The following CDC16 variants were observed in gnomAD, a reference collection of about 807,000 sequenced individuals.
CDC16 encodes cell division cycle 16.
In CDC16, 34 loss-of-function variants were observed where a neutral mutation model predicts 87.0. The observed-to-expected ratio is 0.39, with a 90% CI of 0.30 to 0.52. The LOEUF (loss-of-function observed/expected upper bound fraction) is 0.52, where lower values mean the gene tolerates loss of function less well. CDC16 is among the 20% of genes least tolerant of loss of function. The pLI, the probability that CDC16 is intolerant of heterozygous loss-of-function variation, is 0.74. For missense variants in CDC16, 653 were observed against 751.9 expected (o/e 0.87, Z 1.54); for synonymous variants, 263 against 260.6 (o/e 1.01, Z -0.09).
rs367687850 is a variant in CDC16, at chr13:114,250,691, T to A, written c.1097+17T>A. ...GATGAAAGGGTACGGCAGAGCAAACTCATCAAACTCCATGAAGGGATGTTT... is the reference window on the plus strand; with the variant it reads ...GATGAAAGGGTACGGCAGAGCAAACACATCAAACTCCATGAAGGGATGTTT... On this transcript the variant is annotated intron_variant, in intron 12 of 17. Coordinates refer to ENST00000356221, the MANE Select transcript of CDC16 (RefSeq NM_001078645.3). The A allele has an allele frequency of 5.0e-6, 8 of 1,612,236 alleles. No individual in the cohort carries two copies. The African/African-American group carries it at 1.1e-4, about 22-fold the overall frequency.
At chr13:114,236,206 T>C (rs536673798) in intron 1 of CDC16, among the ~76,000 whole-genome samples, 3 of 152,256 alleles carry the variant, frequency 2.0e-5, no homozygotes, top group Non-Finnish European at 4.4e-5. Flanking sequence ...TTGAGTGTTA[T>C]TAAAACTGCC....
At chr13:114,263,095 T>C in intron 16 of CDC16, 81 bp downstream of exon 16, 2 of 1,241,182 alleles carry the variant, frequency 1.6e-6, no homozygotes. Flanking sequence ...TTCTAGGTAA[T>C]ATTGACTTAC....
At chr13:114,239,250 T>C (rs1207410020) in intron 4 of CDC16, 100 bp from the exon 5 acceptor site, 6 of 1,494,848 alleles carry the variant, frequency 4.0e-6, no homozygotes, top group Non-Finnish European at 4.5e-6. Context: ...ATTTCACATT[T>C]AAATAATGGG....
chr13:114,235,160 GC>G (rs2081181006), intron 1 of CDC16, 28 bp downstream of exon 1: 1 of 1,236,002 alleles, frequency 8.1e-7, no homozygotes, highest in East Asian at 3.2e-5. Flanking sequence ...GGGGTGCGGG[GC>G]CCAGGCCTCG....
Position 114,257,147 on chromosome 13 carries a change from G to A in CDC16, c.1167G>A (p.Arg389=), listed in dbSNP as rs762830257. The change falls in exon 13 of 18, where the codon AGG becomes AGA. Residue 389 remains arginine (R), a synonymous_variant. Coordinates refer to ENST00000356221, the MANE Select transcript of CDC16 (RefSeq NM_001078645.3). ...CCAATAACTCAAAACTAGCTGAAAG[G>A]TTCTTCAGCCAAGCTCTGAGCATTG... ...GLTNNSKLAE[R]FFSQALSIAP... is the part of the protein sequence containing the mutation. 3 of 1,611,788 alleles carry A rather than the reference G, an allele frequency of 1.9e-6. No homozygotes were observed. Among genetic ancestry groups the A allele is most frequent in the South Asian group, 2.2e-5 (2 of 90,998 alleles).
At chr13:114,264,991 A>G in intron 16 of CDC16, 159 bp from the exon 17 acceptor site, 1 of 612,256 alleles carries the variant, frequency 1.6e-6, no homozygotes, top group Non-Finnish European at 3.0e-6. Flanking sequence ...TCCATGACCC[A>G]TAACCAACTT....
In CDC16 at chr13:114,239,405, T is replaced by C. The variant is rs769519231; in HGVS notation, c.296T>C (p.Ile99Thr). The change falls in exon 5 of 18, where the codon ATC becomes ACC. Residue 99 changes from isoleucine (I) to threonine (T), a missense_variant. Coordinates refer to ENST00000356221, the MANE Select transcript of CDC16 (RefSeq NM_001078645.3). ...GATGTTCTTGACATGGAAGAGCCCA[T>C]CAATAAAAGATTATTTGAAAAATAC... Reference protein sequence around the residue: ...ALDVLDMEEPINKRLFEKYLK... With the variant: ...ALDVLDMEEPTNKRLFEKYLK... The C allele has an allele frequency of 6.2e-6, 10 of 1,613,402 alleles. No individual in the cohort carries two copies. In the East Asian group the frequency reaches 2.2e-4, roughly 36 times the overall value.
chr13:114,257,220 C>A lies in CDC16; in HGVS notation c.1240C>A (p.Gln414Lys). The A allele has an allele frequency of 6.2e-7, 1 of 1,608,198 alleles. No individual in the cohort carries two copies. The highest frequency in any genetic ancestry group is 8.5e-7 in the Non-Finnish European group (1 of 1,175,632). The change falls in exon 13 of 18, where the codon CAG becomes AAG. Residue 414 changes from glutamine to lysine, a missense_variant. Gln to Lys is a moderately conservative substitution (Grantham distance 53). Transcript: ENST00000356221. Reference sequence around the variant, plus strand: ...GCATGAGGTCGGCGTGGTTGCATTTCAGAATGGAGAGTAAGTACTGGAAGA... The same window carrying A: ...GCATGAGGTCGGCGTGGTTGCATTTAAGAATGGAGAGTAAGTACTGGAAGA... ...VMHEVGVVAF[Q>K]NGEWKTAEKW...
At chr13:114,235,681 ATTG>A (rs765411868) in intron 1 of CDC16, among the ~76,000 whole-genome samples, 12 of 152,072 alleles carry the variant, frequency 7.9e-5, no homozygotes, top group African/African-American at 2.4e-4. Context: ...TTTTATCTAT[ATTG>A]TTGTTTATTT....
chr13:114,264,569 G>GA (rs1241474503), intron 16 of CDC16, among the ~76,000 whole-genome samples: 1 of 151,484 alleles, frequency 6.6e-6, no homozygotes, highest in African/African-American at 2.4e-5. Context: ...AAAAAAAAAG[G>GA]AAAAAAATAC....
chr13:114,239,342 C>G lies in CDC16; in HGVS notation c.241-8C>G. On this transcript the variant is annotated splice_polypyrimidine_tract_variant and splice_region_variant and intron_variant, in intron 4 of 17. Coordinates refer to ENST00000356221, the MANE Select transcript of CDC16 (RefSeq NM_001078645.3). ...GAGTGATGAGCGGCACTTCTGTTTT[C>G]CACGTAGTATGCTGCAAAAGAGCAC... 1 of 1,588,188 alleles carries G rather than the reference C, an allele frequency of 6.3e-7. No individual in the cohort carries two copies. Among genetic ancestry groups the G allele is most frequent in the Admixed American group, 1.7e-5 (1 of 58,294 alleles).
chr13:114,265,379 C>T (rs781280950), intron 17 of CDC16, 139 bp downstream of exon 17: 9 of 615,602 alleles, frequency 1.5e-5, no homozygotes, highest in Non-Finnish European at 2.3e-5. Flanking sequence ...AAACAAGAAA[C>T]TCCATTTATT....
rs775749439 is a variant in CDC16, at chr13:114,257,167, G to A, written c.1187G>A (p.Ser396Asn). ...GAAAGGTTCTTCAGCCAAGCTCTGA[G>A]CATTGCACCGGAAGACCCTTTTGTT... ...LAERFFSQAL[S>N]IAPEDPFVMH... The change falls in exon 13 of 18, where the codon AGC becomes AAC. Residue 396 changes from serine to asparagine, a missense_variant. Transcript: ENST00000356221. The A allele has an allele frequency of 6.8e-6, 11 of 1,613,578 alleles. No homozygotes were observed. In the South Asian group the frequency reaches 1.1e-4, roughly 16 times the overall value.
In CDC16 at chr13:114,272,440, G is replaced by C. The variant is rs61755296; in HGVS notation, c.1860G>C (p.Thr620=). 2,712 of 1,613,340 alleles carry C rather than the reference G, an allele frequency of 1.7e-3. 3 individuals carry two copies. Among genetic ancestry groups the C allele is most frequent in the Non-Finnish European group, 1.9e-3 (2,287 of 1,179,430 alleles). The change falls in exon 18 of 18, where the codon ACG becomes ACC. Residue 620 remains threonine, a synonymous_variant. Coordinates refer to ENST00000356221, the MANE Select transcript of CDC16 (RefSeq NM_001078645.3). ...MLETSMSDHS[T] ...AGACATCTATGTCAGACCACAGCAC[G>C]TGACTCCAGTCAGTGGTCCTGGTCC...
At chr13:114,255,510 G>A (rs544911230) in intron 12 of CDC16, among the ~76,000 whole-genome samples, 1 of 151,906 alleles carries the variant, frequency 6.6e-6, no homozygotes, top group African/African-American at 2.4e-5. Flanking sequence ...CAAACTTTTT[G>A]AGCACTGTCA....
intron 11 of CDC16, 79 bp from the exon 12 acceptor site, chr13:114,250,470 C>G: frequency 7.3e-7 from 1 of 1,371,392 alleles, no homozygotes; most frequent in Non-Finnish European, 9.8e-7. Context: ...CCAGCCTGAG[C>G]GACAAAGTGA....
In CDC16 at chr13:114,261,892, A is replaced by T. The variant is rs2139123326; in HGVS notation, c.1320A>T (p.Thr440=). The change falls in exon 15 of 18, where the codon ACA becomes ACT. Residue 440 remains threonine, a synonymous_variant. Coordinates refer to ENST00000356221, the MANE Select transcript of CDC16 (RefSeq NM_001078645.3). The stretch of plus-strand genomic sequence containing the variant: ...TTGATGTTGCTATGTTTTAGGTAAC[A>T]GTTGACAAATGGGAACCTTTGTTGA... ...EKIKAIGNEV[T]VDKWEPLLNN... is the part of the protein sequence containing the mutation. The T allele has an allele frequency of 6.2e-7, 1 of 1,602,648 alleles. No homozygotes were observed. The highest frequency in any genetic ancestry group is 1.1e-5 in the South Asian group (1 of 89,100).
At position 114,251,405 on chromosome 13, in the gene CDC16, AT is replaced by A. The variant is rs1253934876; in HGVS notation, c.1097+733del. On this transcript the variant is annotated intron_variant, in intron 12 of 17. Coordinates refer to ENST00000356221, the MANE Select transcript of CDC16 (RefSeq NM_001078645.3). Reference sequence around the variant, plus strand: ...GTGAGAAGTAATTGAGATAATACCAATTAAAGACTTTGAAGAGTGTCTTACA... The same window carrying A: ...GTGAGAAGTAATTGAGATAATACCAATAAAGACTTTGAAGAGTGTCTTACA... Among the ~76,000 whole-genome samples, 8 of 152,368 alleles carry A rather than the reference AT, an allele frequency of 5.3e-5. No individual in the cohort carries two copies. The East Asian group carries it at 1.2e-3, about 22-fold the overall frequency.
chr13:114,245,494 T>G (rs1028644059), intron 9 of CDC16, among the ~76,000 whole-genome samples: 4 of 152,166 alleles, frequency 2.6e-5, no homozygotes, highest in Non-Finnish European at 5.9e-5. Flanking sequence ...CAGAGTGTGG[T>G]TCGTGGACCA....
Sources: allele counts gnomAD v4.1 joint callset (sites outside exome capture counted in the v4.1 genomes callset), GRCh38; gene constraint gnomAD v4.1.1; transcripts MANE v1.5; gene names NCBI Gene and HGNC (gene_info 2026-07-23, HGNC 2026-07-21).